ADGRL4: variants seen among roughly 807,000 people sequenced by gnomAD.
ADGRL4 encodes adhesion G protein-coupled receptor L4, also known as EGF, latrophilin and seven transmembrane domain containing 1.
ADGRL4 carries 90 observed loss-of-function variants against 74.8 expected under a neutral mutation model. That is an observed-to-expected ratio of 1.20 (90% confidence interval 1.02 to 1.43). The LOEUF is 1.43. Among genes scored for constraint, ADGRL4 ranks in the 40% most tolerant of loss-of-function variants. The pLI is 0.00. For missense variants in ADGRL4, 881 were observed against 814.3 expected (o/e 1.08, Z -1.00); for synonymous variants, 311 against 279.2 (o/e 1.11, Z -1.14).
intron 2 of ADGRL4, among the ~76,000 whole-genome samples, chr1:78,975,897 CA>C: frequency 6.6e-6 from 1 of 151,770 alleles, no homozygotes; most frequent in East Asian, 1.9e-4. Flanking sequence ...TTAGTAGCAG[CA>C]ACAAAAACAA....
chr1:78,892,999 T>A (rs1262705538), intron 13 of ADGRL4, 99 bp downstream of exon 13: 15 of 701,174 alleles, frequency 2.1e-5, no homozygotes, highest in Non-Finnish European at 3.5e-5. Flanking sequence ...TATGAAACAA[T>A]CATTTAAAAA....
At chr1:78,968,121 G>T (rs1570261410) in intron 2 of ADGRL4, among the ~76,000 whole-genome samples, 1 of 152,154 alleles carries the variant, frequency 6.6e-6, no homozygotes, top group East Asian at 1.9e-4. Flanking sequence ...AATTATATGG[G>T]ATTTCTAAGA....
intron 2 of ADGRL4, among the ~76,000 whole-genome samples, chr1:78,970,076 AT>A (rs1202876470): frequency 6.6e-6 from 1 of 152,204 alleles, no homozygotes; most frequent in African/African-American, 2.4e-5. Flanking sequence ...GCTACCAGTT[AT>A]CTGGGTGTGT....
chr1:78,920,118 G>C (rs989467402), intron 10 of ADGRL4, 65 bp downstream of exon 10: 76 of 1,190,054 alleles, frequency 6.4e-5, no homozygotes, highest in Non-Finnish European at 8.7e-5. Context: ...ATGTTTCTAG[G>C]ACATATACAT....
chr1:78,967,369 T>C (rs1650078488), intron 2 of ADGRL4, among the ~76,000 whole-genome samples: 1 of 152,180 alleles, frequency 6.6e-6, no homozygotes, highest in Non-Finnish European at 1.5e-5. Context: ...AGTCAAACCT[T>C]GGCTGCACCT....
At position 78,893,138 on chromosome 1, in the gene ADGRL4, C is replaced by T; in HGVS notation, c.1801G>A (p.Ala601Thr). 1 of 1,602,710 alleles carries T rather than the reference C, an allele frequency of 6.2e-7. No individual in the cohort carries two copies. Among genetic ancestry groups the T allele is most frequent in the Non-Finnish European group, 8.5e-7 (1 of 1,175,682 alleles). The change falls in exon 13 of 15, where the codon GCA becomes ACA. Residue 601 changes from alanine to threonine, a missense_variant. Coordinates refer to ENST00000370742, the MANE Select transcript of ADGRL4 (RefSeq NM_022159.4). Reference sequence around the variant, plus strand: ...CAACTAACTTCTGGTTTCAACCCTGCAGTGTGACGAAAAACTTTGTATATG... The same window carrying T: ...CAACTAACTTCTGGTTTCAACCCTGTAGTGTGACGAAAAACTTTGTATATG... ...VIIYKVFRHT[A>T]GLKPEVSCFE...
intron 2 of ADGRL4, among the ~76,000 whole-genome samples, chr1:78,948,124 A>G (rs908742620): frequency 6.6e-6 from 1 of 152,110 alleles, no homozygotes; most frequent in Non-Finnish European, 1.5e-5. Context: ...TACCATAGTT[A>G]CCTTCCTGGC....
chr1:78,993,363 T>C lies in ADGRL4; in HGVS notation c.172+11707A>G, dbSNP rs148039682. Reference sequence around the variant, plus strand: ...TCACCTTTACACCTAAAATAAAAAATGATTAAACCTATAAAACCTCATCTT... The same window carrying C: ...TCACCTTTACACCTAAAATAAAAAACGATTAAACCTATAAAACCTCATCTT... On this transcript the variant is annotated intron_variant, in intron 2 of 14. Coordinates refer to ENST00000370742, the MANE Select transcript of ADGRL4 (RefSeq NM_022159.4). Among the ~76,000 whole-genome samples, 508 of 152,200 alleles carry C rather than the reference T, an allele frequency of 3.3e-3. 7 individuals are homozygous for C. Among genetic ancestry groups the C allele is most frequent in the African/African-American group, 0.012 (485 of 41,552 alleles).
intron 12 of ADGRL4, among the ~76,000 whole-genome samples, chr1:78,906,761 T>A (rs1648650291): frequency 2.0e-5 from 3 of 152,080 alleles, no homozygotes; most frequent in Non-Finnish European, 4.4e-5. Context: ...AACTTTAATA[T>A]AAATTTATAT....
intron 2 of ADGRL4, among the ~76,000 whole-genome samples, chr1:78,983,323 T>C (rs551196311): frequency 2.0e-5 from 3 of 151,782 alleles, no homozygotes; most frequent in South Asian, 4.1e-4. Context: ...TTATTGGATA[T>C]AGAATACAAG....
At chr1:78,997,203 A>G (rs1227319854) in intron 2 of ADGRL4, among the ~76,000 whole-genome samples, 1 of 152,176 alleles carries the variant, frequency 6.6e-6, no homozygotes, top group Admixed American at 6.5e-5. Flanking sequence ...ATCGGGATAT[A>G]AAAAGGGGAA....
chr1:78,987,947 A>G (rs770029439), intron 2 of ADGRL4, among the ~76,000 whole-genome samples: 6 of 151,646 alleles, frequency 4.0e-5, no homozygotes, highest in Non-Finnish European at 5.9e-5. Context: ...GATTTATAGT[A>G]AAGTAATATT....
In ADGRL4 at chr1:78,921,656, T is replaced by A. The variant is rs1368811564; in HGVS notation, c.1214A>T (p.His405Leu). ...NETHTSCRCN[H>L]LTHFAILMSS... is the part of the protein sequence containing the mutation. ...CATCAAAATTGCAAAATGTGTCAGG[T>A]GATTACAGCGGCATGAGGTGTGGGT... The change falls in exon 9 of 15, where the codon CAC becomes CTC. Residue 405 changes from histidine (H) to leucine (L), a missense_variant. Physicochemically the swap from His to Leu is moderately conservative, Grantham distance 99. Transcript: ENST00000370742. 6.3e-7 allele frequency: 1 copy of A among 1,589,524 alleles called. No individual in the cohort carries two copies. The highest frequency in any genetic ancestry group is 8.6e-7 in the Non-Finnish European group (1 of 1,168,798).
chr1:78,971,523 C>T lies in ADGRL4; in HGVS notation c.173-25097G>A, dbSNP rs923060948. ...TGGGGTATGGTACCTGGGATTCAAT[C>T]GGCAAGGCAGGAAGCACACTAGCAG... On this transcript the variant is annotated intron_variant, in intron 2 of 14. Transcript: ENST00000370742. 6.6e-5 allele frequency among the ~76,000 whole-genome samples: 10 copies of T among 152,078 alleles called. No individual in the cohort carries two copies. In the South Asian group the frequency reaches 8.3e-4, roughly 13 times the overall value.
chr1:78,939,841 G>T (rs564682981), intron 3 of ADGRL4: 4 of 152,638 alleles, frequency 2.6e-5, no homozygotes, highest in Admixed American at 2.6e-4. Flanking sequence ...GTGCTCATAT[G>T]CCTGCTACCT....
intron 2 of ADGRL4, among the ~76,000 whole-genome samples, chr1:78,963,680 A>C (rs1649999047): frequency 6.6e-6 from 1 of 152,184 alleles, no homozygotes; most frequent in Non-Finnish European, 1.5e-5. Flanking sequence ...ATCTCACATC[A>C]TTAGTCTTGT....
intron 12 of ADGRL4, among the ~76,000 whole-genome samples, chr1:78,896,555 C>T (rs1648403571): frequency 6.6e-6 from 1 of 152,058 alleles, no homozygotes; most frequent in Non-Finnish European, 1.5e-5. Flanking sequence ...AAAACATGTT[C>T]AGAATATGAC....
At chr1:78,974,937 A>G (rs1173373394) in intron 2 of ADGRL4, among the ~76,000 whole-genome samples, 1 of 152,172 alleles carries the variant, frequency 6.6e-6, no homozygotes, top group Non-Finnish European at 1.5e-5. Flanking sequence ...GCCATGTAAC[A>G]TATTTGTAGT....
intron 2 of ADGRL4, among the ~76,000 whole-genome samples, chr1:78,958,893 G>T (rs1649886488): frequency 6.6e-6 from 1 of 152,252 alleles, no homozygotes; most frequent in South Asian, 2.1e-4. Flanking sequence ...TTAAGAAATT[G>T]TTGCAGTTAC....
Sources: gnomAD v4.1 joint callset for allele counts (sites outside exome capture counted in the v4.1 genomes callset) on GRCh38, gnomAD v4.1.1 for gene constraint, MANE v1.5 for transcripts, NCBI Gene and HGNC (gene_info 2026-07-23, HGNC 2026-07-21) for gene names.